RIT2: variants seen among roughly 807,000 people sequenced by gnomAD.
The protein encoded by RIT2 is GTP-binding protein Rit2.
RIT2 carries 24 observed loss-of-function variants against 23.7 expected under a neutral mutation model. That is an observed-to-expected ratio of 1.01 (90% CI 0.73 to 1.43). The LOEUF (loss-of-function observed/expected upper bound fraction) is 1.43, where lower values mean the gene tolerates loss of function less well. Among genes scored for constraint, RIT2 ranks in the 40% most tolerant of loss-of-function variants. The probability of loss-of-function intolerance (pLI) is 0.00; values close to 1 mark genes in which losing one functional copy is unlikely to be tolerated. For missense variants in RIT2, 236 were observed against 266.9 expected, an observed-to-expected ratio of 0.88 and a Z score of 0.81; for synonymous variants, 107 against 91.1, an observed-to-expected ratio of 1.17 and a Z score of -0.99.
At chr18:42,793,261 C>T (rs1598655983) in intron 4 of RIT2, among the ~76,000 whole-genome samples, 1 of 152,078 alleles carries the variant, frequency 6.6e-6, no homozygotes, top group East Asian at 1.9e-4. Flanking sequence ...TAAAATGATA[C>T]CAGTCAAATT....
intron 3 of RIT2, among the ~76,000 whole-genome samples, chr18:42,935,778 C>T (rs904362752): frequency 6.6e-6 from 1 of 152,048 alleles, no homozygotes; most frequent in Non-Finnish European, 1.5e-5. Flanking sequence ...GAACCCTCCA[C>T]AGGGAGGGAG....
intron 1 of RIT2, among the ~76,000 whole-genome samples, chr18:43,038,673 T>C (rs1439091554): frequency 6.6e-6 from 1 of 152,178 alleles, no homozygotes; most frequent in African/African-American, 2.4e-5. Flanking sequence ...ACACGATTAT[T>C]TGAGGATGTT....
At chr18:42,809,271 T>C (rs371200990) in intron 4 of RIT2, among the ~76,000 whole-genome samples, 3 of 152,232 alleles carry the variant, frequency 2.0e-5, no homozygotes, top group African/African-American at 7.2e-5. Flanking sequence ...GTTAAAAGAC[T>C]TGACCAAAGT....
chr18:43,033,146 TA>T (rs1230613317), intron 2 of RIT2, among the ~76,000 whole-genome samples: 1 of 152,140 alleles, frequency 6.6e-6, no homozygotes, highest in Middle Eastern at 3.2e-3. Flanking sequence ...GCCAATTCTT[TA>T]AAGTAGTTTT....
intron 4 of RIT2, among the ~76,000 whole-genome samples, chr18:42,888,853 A>C (rs2144090455): frequency 1.3e-5 from 2 of 152,210 alleles, no homozygotes; most frequent in South Asian, 4.1e-4. Context: ...ATTGGGAGCT[A>C]AACACTGAGC....
chr18:42,780,462 T>TTTACAC (rs1337111660), intron 4 of RIT2, among the ~76,000 whole-genome samples: 1 of 152,056 alleles, frequency 6.6e-6, no homozygotes, highest in Non-Finnish European at 1.5e-5. Flanking sequence ...TCTTCTCAGA[T>TTTACAC]CTTAAAAGGT....
At chr18:43,077,102 C>CA (rs34419558) in intron 1 of RIT2, among the ~76,000 whole-genome samples, 12,984 of 79,494 alleles carry the variant, frequency 0.16, 1,185 homozygotes, top group East Asian at 0.31. Flanking sequence ...GACTCCGTCT[C>CA]AAAAAAAAAA....
chr18:42,931,542 A>G (rs752672809), intron 3 of RIT2, among the ~76,000 whole-genome samples: 17 of 152,202 alleles, frequency 1.1e-4, no homozygotes. Flanking sequence ...TCTTTCCCAT[A>G]GAAGTCTGTT....
intron 4 of RIT2, among the ~76,000 whole-genome samples, chr18:42,845,146 T>G (rs1906873225): frequency 1.3e-5 from 2 of 151,918 alleles, no homozygotes; most frequent in South Asian, 4.1e-4. Flanking sequence ...ACAGATTTAG[T>G]AGTAATTGGC....
In RIT2 at chr18:42,874,084, C is replaced by A. The variant is rs113733492; in HGVS notation, c.426+49488G>T. ...GGGAGCAAATTATGAATCAACATAACCCTGCTCCCATCCCTGAATTATTGA... is the reference window on the plus strand; with the variant it reads ...GGGAGCAAATTATGAATCAACATAAACCTGCTCCCATCCCTGAATTATTGA... On this transcript the variant is annotated intron_variant, in intron 4 of 4. Transcript: ENST00000326695. 1.3e-3 allele frequency among the ~76,000 whole-genome samples: 201 copies of A among 152,234 alleles called. 1 individual carries two copies. The highest frequency in any genetic ancestry group is 4.5e-3 in the African/African-American group (185 of 41,558).
At chr18:43,095,245 A>G (rs919872605) in intron 1 of RIT2, among the ~76,000 whole-genome samples, 2 of 151,990 alleles carry the variant, frequency 1.3e-5, no homozygotes, top group Non-Finnish European at 2.9e-5. Context: ...CTTTTTAATG[A>G]TCATCATTCT....
At chr18:43,081,383 G>A (rs920624324) in intron 1 of RIT2, among the ~76,000 whole-genome samples, 4 of 151,862 alleles carry the variant, frequency 2.6e-5, no homozygotes, top group Non-Finnish European at 4.4e-5. Context: ...AATATTTATT[G>A]GCAACCATGC....
chr18:42,878,017 A>T (rs977105373), intron 4 of RIT2, among the ~76,000 whole-genome samples: 1 of 151,742 alleles, frequency 6.6e-6, no homozygotes, highest in African/African-American at 2.4e-5. Flanking sequence ...TTCAAAAATC[A>T]TTGAAATCCA....
chr18:43,107,429 G>T (rs577609730), intron 1 of RIT2, among the ~76,000 whole-genome samples: 1 of 152,048 alleles, frequency 6.6e-6, no homozygotes, highest in Admixed American at 6.5e-5. Flanking sequence ...GCACGCGTGC[G>T]TGCACGCATA....
chr18:42,752,515 A>G (rs962305093), intron 4 of RIT2, among the ~76,000 whole-genome samples: 4 of 152,242 alleles, frequency 2.6e-5, no homozygotes, highest in Admixed American at 6.5e-5. Flanking sequence ...TAATTAAGTA[A>G]AATATCCATC....
intron 4 of RIT2, among the ~76,000 whole-genome samples, chr18:42,859,252 G>T (rs1008029703): frequency 6.6e-6 from 1 of 151,964 alleles, no homozygotes; most frequent in African/African-American, 2.4e-5. Flanking sequence ...GACATTAGTG[G>T]GTGTGAACTG....
intron 4 of RIT2, among the ~76,000 whole-genome samples, chr18:42,773,737 A>C (rs973481785): frequency 1.3e-5 from 2 of 152,310 alleles, no homozygotes; most frequent in Middle Eastern, 3.4e-3. Flanking sequence ...TGAGTACACA[A>C]ATTTGAATAC....
At chr18:42,891,857 CAAT>C (rs1282425766) in intron 4 of RIT2, among the ~76,000 whole-genome samples, 1 of 152,002 alleles carries the variant, frequency 6.6e-6, no homozygotes, top group Non-Finnish European at 1.5e-5. Flanking sequence ...TAATGTACAA[CAAT>C]AAGAGTGAAT....
chr18:42,844,027 C>T (rs547459251), intron 4 of RIT2, among the ~76,000 whole-genome samples: 6 of 152,256 alleles, frequency 3.9e-5, no homozygotes, highest in Admixed American at 3.3e-4. Context: ...TTTTCTCAGA[C>T]CATTTTTTGG....
Sources: allele counts gnomAD v4.1 joint callset (sites outside exome capture counted in the v4.1 genomes callset), GRCh38; gene constraint gnomAD v4.1.1; transcripts MANE v1.5; gene names NCBI Gene and HGNC (gene_info 2026-07-23, HGNC 2026-07-21).